The following SECISBP2 variants were observed in gnomAD, a reference collection of about 807,000 sequenced individuals.
SECISBP2 encodes the protein SECIS binding protein 2.
Under a neutral mutation model 98.2 loss-of-function variants are expected in SECISBP2, and 96 were observed. The ratio of observed to expected loss-of-function variants is 0.98; its 90% CI spans 0.83 to 1.16. SECISBP2 has a LOEUF of 1.16. SECISBP2 is among the 50% of genes most tolerant of loss of function. The pLI, the probability that SECISBP2 is intolerant of heterozygous loss-of-function variation, is 0.00. For synonymous variants in SECISBP2, 407 were observed against 370.2 expected, an observed-to-expected ratio of 1.10 and a Z score of -1.14; for missense variants, 1,046 against 1,022.9, an observed-to-expected ratio of 1.02 and a Z score of -0.31.
At chr9:89,354,653 G>A (rs965752197) in intron 14 of SECISBP2, 4 of 297,494 alleles carry the variant, frequency 1.3e-5, no homozygotes, top group Non-Finnish European at 1.5e-5. Context: ...ACCAGTTAAG[G>A]TGGTGGGAAC....
intron 14 of SECISBP2, among the ~76,000 whole-genome samples, chr9:89,351,337 GT>G (rs1164285016): frequency 6.6e-6 from 1 of 152,070 alleles, no homozygotes; most frequent in Admixed American, 6.5e-5. Flanking sequence ...GTGTGTTTTT[GT>G]TTTGTTGGAT....
rs1826556715 is a variant in SECISBP2 at position 89,325,591 on chromosome 9, C to T, written c.347C>T (p.Pro116Leu). 6.2e-7 allele frequency: 1 copy of T among 1,614,074 alleles called. No homozygotes were observed. Among genetic ancestry groups the T allele is most frequent in the Non-Finnish European group, 8.5e-7 (1 of 1,179,998 alleles). ...GGCTCCCAGTATCTTTATAACCAACCCAGTTGTTACCGAGGTTTTCAAACA... is the reference window on the plus strand; with the variant it reads ...GGCTCCCAGTATCTTTATAACCAACTCAGTTGTTACCGAGGTTTTCAAACA... ...VPGSQYLYNQPSCYRGFQTVK... is the reference protein window; with the variant it reads ...VPGSQYLYNQLSCYRGFQTVK... Residue 116 changes from proline (P) to leucine (L), a missense_variant, in exon 3 of 17, where the codon CCC becomes CTC. Physicochemically the swap from Pro to Leu is moderately conservative, Grantham distance 98 (BLOSUM62 -3). Coordinates refer to ENST00000375807, the MANE Select transcript of SECISBP2 (RefSeq NM_024077.5).
At chr9:89,357,608 G>T (rs760269830) in intron 15 of SECISBP2, 43 bp downstream of exon 15, 38 of 1,610,806 alleles carry the variant, frequency 2.4e-5, no homozygotes, top group Non-Finnish European at 3.1e-5. Context: ...CTGCCCGTGG[G>T]AGGAAGTGGG....
chr9:89,366,597 G>GTATC, the SECISBP2 span, among the ~76,000 whole-genome samples: 1 of 152,126 alleles, frequency 6.6e-6, no homozygotes, highest in African/African-American at 2.4e-5. Context: ...ATAATTCCAT[G>GTATC]TATCTATCTA....
intron 8 of SECISBP2, among the ~76,000 whole-genome samples, chr9:89,338,900 T>TC (rs1227745385): frequency 6.6e-6 from 1 of 151,924 alleles, no homozygotes; most frequent in Admixed American, 6.6e-5. Flanking sequence ...TTTTTTTTTT[T>TC]CTTGCTTTAG....
At chr9:89,340,093 T>C in intron 9 of SECISBP2, 140 bp downstream of exon 9, 1 of 656,486 alleles carries the variant, frequency 1.5e-6, no homozygotes, top group African/African-American at 1.8e-5. Context: ...ATGAGAGAAC[T>C]GCACCCAGCA....
chr9:89,361,470 CGTGT>C (rs34831641), downstream of SECISBP2: 1 of 152,142 alleles, frequency 6.6e-6, no homozygotes, highest in Non-Finnish European at 1.5e-5. Context: ...CAAGAAGAGA[CGTGT>C]GTGTAAGATT....
downstream of SECISBP2, chr9:89,361,311 C>T (rs1832743629): frequency 1.3e-5 from 2 of 152,234 alleles, no homozygotes; most frequent in South Asian, 2.1e-4. Flanking sequence ...GAGAATTTGT[C>T]CAGCTCCAGA....
At chr9:89,345,397 A>C (rs1031868685) in intron 10 of SECISBP2, among the ~76,000 whole-genome samples, 1 of 152,218 alleles carries the variant, frequency 6.6e-6, no homozygotes, top group Non-Finnish European at 1.5e-5. Context: ...GAATGAGCCA[A>C]AGCAGAGCGG....
At chr9:89,337,113 C>T (rs1828878899) in intron 7 of SECISBP2, among the ~76,000 whole-genome samples, 1 of 152,126 alleles carries the variant, frequency 6.6e-6, no homozygotes, top group South Asian at 2.1e-4. Context: ...CCAAGTCACT[C>T]TCAGAGCCGG....
In SECISBP2 at chr9:89,318,518, C is replaced by A. The variant is rs528783957; in HGVS notation, c.-59C>A. The stretch of plus-strand genomic sequence containing the variant: ...CGGGGGCGGAAACGCTTTGTCTGTC[C>A]GGCAAGCCGACGGCCCGCTGCTGGC... On this transcript the variant is annotated 5_prime_UTR_variant, in exon 1 of 17. Transcript: ENST00000375807. The A allele has an allele frequency of 4.7e-6, 7 of 1,502,734 alleles. No homozygotes were observed. The highest frequency in any genetic ancestry group is 6.2e-6 in the Non-Finnish European group (7 of 1,125,924). The allele number at this position is 1,502,734 out of a possible 1,614,324, so 93.1% of individuals were successfully genotyped here. A position where few individuals can be genotyped will look rare whatever the true frequency, so the allele number is the denominator to read the frequency against.
At position 89,357,293 on chromosome 9, in the gene SECISBP2, G is replaced by C. The variant is rs1832237655; in HGVS notation, c.2114-118G>C. 10 of 1,110,792 alleles carry C rather than the reference G, an allele frequency of 9.0e-6. No individual in the cohort carries two copies. The East Asian group carries it at 2.1e-4, about 24-fold the overall frequency. The allele number at this position is 1,110,792 out of a possible 1,614,324, so 68.8% of individuals were successfully genotyped here. ...TCTCCTTGTATTTTCAGGGGCGTCT[G>C]CCTTGGATATAAAATCATAGATGGG... On this transcript the variant is annotated intron_variant, in intron 14 of 16. Coordinates refer to ENST00000375807, the MANE Select transcript of SECISBP2 (RefSeq NM_024077.5).
downstream of SECISBP2, chr9:89,363,319 G>A (rs190092158): frequency 2.3e-4 from 333 of 1,478,174 alleles, 2 homozygotes; most frequent in African/African-American, 4.2e-3. Context: ...GGGCTAAGAG[G>A]GAACAAGTGG....
chr9:89,349,864 A>T lies in SECISBP2; in HGVS notation c.1827A>T (p.Thr609=), dbSNP rs1235416864. Reference sequence around the variant, plus strand: ...CAGGCACAGAGCTCCAGAGGGACACAGAGGCCTCCCACCTTGCTCCCAATC... The same window carrying T: ...CAGGCACAGAGCTCCAGAGGGACACTGAGGCCTCCCACCTTGCTCCCAATC... ...EPPGTELQRD[T]EASHLAPNHT... is the part of the protein sequence containing the mutation. Residue 609 remains threonine (T), a synonymous_variant, in exon 13 of 17, where the codon ACA becomes ACT. Coordinates refer to ENST00000375807, the MANE Select transcript of SECISBP2 (RefSeq NM_024077.5). 2.3e-5 allele frequency: 37 copies of T among 1,614,098 alleles called. No individual in the cohort carries two copies. In the Admixed American group the frequency reaches 6.2e-4, roughly 27 times the overall value.
chr9:89,335,984 TGTG>T (rs1828605355), intron 7 of SECISBP2, among the ~76,000 whole-genome samples: 1 of 152,038 alleles, frequency 6.6e-6, no homozygotes. Flanking sequence ...TTTGTGATCA[TGTG>T]GTACGTGTCA....
chr9:89,357,943 G>A, intron 15 of SECISBP2, 56 bp from the exon 16 acceptor site: 1 of 1,590,472 alleles, frequency 6.3e-7, no homozygotes, highest in South Asian at 1.1e-5. Context: ...TGAGTTTGAG[G>A]GACCCGTGTC....
intron 7 of SECISBP2, among the ~76,000 whole-genome samples, chr9:89,337,496 T>C (rs1186655565): frequency 6.6e-6 from 1 of 152,216 alleles, no homozygotes; most frequent in Non-Finnish European, 1.5e-5. Context: ...CTCAGACTCA[T>C]GAAAATATGA....
At chr9:89,364,170 T>C, downstream of SECISBP2, 1 of 888,816 alleles carries the variant, frequency 1.1e-6, no homozygotes, top group Non-Finnish European at 1.7e-6. Flanking sequence ...CTCTTTGACC[T>C]TAATTGCCAT....
chr9:89,358,299 T>A, intron 16 of SECISBP2, 108 bp downstream of exon 16: 1 of 1,149,334 alleles, frequency 8.7e-7, no homozygotes, highest in Non-Finnish European at 1.3e-6. Context: ...ACCAGCTGAG[T>A]AGCAGGGCCT....
Sources: allele counts gnomAD v4.1 joint callset (sites outside exome capture counted in the v4.1 genomes callset), GRCh38; gene constraint gnomAD v4.1.1; transcripts MANE v1.5; gene names NCBI Gene and HGNC (gene_info 2026-07-23, HGNC 2026-07-21).